Variants in ADAMTS19 observed in about 807,000 individuals in gnomAD.
ADAMTS19 encodes A disintegrin and metalloproteinase with thrombospondin motifs 19.
In ADAMTS19, 93 loss-of-function variants were observed where a neutral mutation model predicts 153.3. That is an observed-to-expected ratio of 0.61 (90% CI 0.51 to 0.72). ADAMTS19 has a LOEUF of 0.72. Among genes scored for constraint, ADAMTS19 ranks in the 30% least tolerant of loss-of-function variants. The pLI is 0.00. For synonymous variants in ADAMTS19, 600 were observed against 556.6 expected (o/e 1.08, Z -1.10); for missense variants, 1,482 against 1,552.1 (o/e 0.95, Z 0.76).
chr5:129,648,224 A>G (rs1753154921), intron 12 of ADAMTS19, among the ~76,000 whole-genome samples: 1 of 152,148 alleles, frequency 6.6e-6, no homozygotes, highest in South Asian at 2.1e-4. Context: ...GATGATAAGA[A>G]AGAGAATGAG....
Position 129,461,639 on chromosome 5 carries a change from C to CG in ADAMTS19, c.634dup (p.Ala212GlyfsTer46). ...CGGCCAAATCCCGGCCCCGGCCCCA[C>CG]GGGGGCAGCATCCGCCCCGCAACCT... On this transcript the variant is annotated frameshift_variant, in exon 2 of 23. Transcript: ENST00000274487. LOFTEE classifies it high-confidence loss of function. This position sits in a 1 kb window ranked among gnomAD's most constrained non-coding sequence, Gnocchi z 4.6. The CG allele has an allele frequency of 6.5e-7, 1 of 1,529,102 alleles. No individual in the cohort carries two copies. The highest frequency in any genetic ancestry group is 1.2e-5 in the South Asian group (1 of 83,750). The allele number at this position is 1,529,102 out of a possible 1,614,324, so 94.7% of individuals were successfully genotyped here.
intron 6 of ADAMTS19, among the ~76,000 whole-genome samples, chr5:129,539,057 C>G (rs538473137): frequency 3.9e-5 from 6 of 152,044 alleles, no homozygotes; most frequent in Non-Finnish European, 7.4e-5. Flanking sequence ...TGCTTTTTCA[C>G]TTTACGATTA....
chr5:129,727,914 A>T (rs2127213262), intron 21 of ADAMTS19, among the ~76,000 whole-genome samples: 1 of 152,258 alleles, frequency 6.6e-6, no homozygotes, highest in South Asian at 2.1e-4. Flanking sequence ...ACTGGGCTGC[A>T]TTCCCAGGAG....
At chr5:129,706,884 A>AT (rs974478302) in intron 21 of ADAMTS19, among the ~76,000 whole-genome samples, 40 of 152,218 alleles carry the variant, frequency 2.6e-4, no homozygotes, top group African/African-American at 8.4e-4. Context: ...ACTAAAAAAA[A>AT]TTTTTTTCAG....
At chr5:129,568,632 T>A (rs1412870001) in intron 7 of ADAMTS19, among the ~76,000 whole-genome samples, 1 of 151,886 alleles carries the variant, frequency 6.6e-6, no homozygotes, top group African/African-American at 2.4e-5. Context: ...CCAGCCTGGG[T>A]AACATAATGA....
intron 17 of ADAMTS19, among the ~76,000 whole-genome samples, chr5:129,683,695 A>G (rs1754932303): frequency 6.6e-6 from 1 of 151,716 alleles, no homozygotes; most frequent in African/African-American, 2.4e-5. Context: ...TACATTTGGC[A>G]TTAGATTGTG....
intron 21 of ADAMTS19, among the ~76,000 whole-genome samples, chr5:129,732,728 A>G (rs970860467): frequency 6.6e-6 from 1 of 151,994 alleles, no homozygotes; most frequent in Admixed American, 6.6e-5. Context: ...CATTAAAATG[A>G]CCATACTACC....
intron 20 of ADAMTS19, among the ~76,000 whole-genome samples, chr5:129,703,956 C>A (rs1214426923): frequency 6.6e-6 from 1 of 152,064 alleles, no homozygotes; most frequent in African/African-American, 2.4e-5. Context: ...GATCATAGTG[C>A]ATTATTTATC....
intron 21 of ADAMTS19, among the ~76,000 whole-genome samples, chr5:129,724,279 G>A (rs990129268): frequency 6.6e-6 from 1 of 152,164 alleles, no homozygotes; most frequent in Non-Finnish European, 1.5e-5. Context: ...TTCTTTCAGG[G>A]CCTGCTATCT....
intron 8 of ADAMTS19, among the ~76,000 whole-genome samples, chr5:129,609,826 T>C (rs1280550458): frequency 6.6e-6 from 1 of 152,156 alleles, no homozygotes; most frequent in Non-Finnish European, 1.5e-5. Context: ...CTGATGTTTC[T>C]TGGCAAATGC....
At chr5:129,549,366 T>C (rs1369177561) in intron 6 of ADAMTS19, among the ~76,000 whole-genome samples, 5 of 151,684 alleles carry the variant, frequency 3.3e-5, no homozygotes, top group Admixed American at 2.6e-4. Flanking sequence ...AGAAAATGGA[T>C]GTTGAAAACA....
intron 7 of ADAMTS19, among the ~76,000 whole-genome samples, chr5:129,555,743 C>T (rs989244842): frequency 6.6e-6 from 1 of 152,196 alleles, no homozygotes; most frequent in Non-Finnish European, 1.5e-5. Context: ...TAGTGCTAGA[C>T]TCTACCTCAG....
intron 2 of ADAMTS19, among the ~76,000 whole-genome samples, chr5:129,490,559 T>A (rs1314243400): frequency 6.6e-6 from 1 of 152,144 alleles, no homozygotes; most frequent in Non-Finnish European, 1.5e-5. Flanking sequence ...AGGAACCAAA[T>A]AAAATCAAAG....
At chr5:129,671,609 A>G (rs1458708905) in intron 16 of ADAMTS19, among the ~76,000 whole-genome samples, 1 of 152,224 alleles carries the variant, frequency 6.6e-6, no homozygotes, top group Non-Finnish European at 1.5e-5. Context: ...CAAACTATAT[A>G]TTATTTTATA....
In ADAMTS19 at chr5:129,551,850, A is replaced by AT; in HGVS notation, c.1329-9dup. 2 of 1,541,454 alleles carry AT rather than the reference A, an allele frequency of 1.3e-6. No individual in the cohort carries two copies. The highest frequency in any genetic ancestry group is 1.8e-6 in the Non-Finnish European group (2 of 1,136,244). On this transcript the variant is annotated splice_polypyrimidine_tract_variant and intron_variant, in intron 6 of 22. Coordinates refer to ENST00000274487, the MANE Select transcript of ADAMTS19 (RefSeq NM_133638.6). ...TAATTTATCTTTATTTCAGTTTTCT[A>AT]TTTTTCTTTCTAGGAAAGATTTCTG...
At chr5:129,578,041 T>TACATAC (rs1554095132) in intron 7 of ADAMTS19, among the ~76,000 whole-genome samples, 4 of 98,614 alleles carry the variant, frequency 4.1e-5, no homozygotes, top group East Asian at 3.1e-4. Context: ...CAAACTTACA[T>TACATAC]ACACACACAC....
At chr5:129,658,309 A>AAAAAAAGAAAG (rs1554103294) in intron 14 of ADAMTS19, among the ~76,000 whole-genome samples, 3 of 113,624 alleles carry the variant, frequency 2.6e-5, no homozygotes, top group African/African-American at 8.0e-5. Context: ...GAAAGAAAGA[A>AAAAAAAGAAAG]AAAGAAAGAA....
Position 129,475,093 on chromosome 5 carries a change from A to G in ADAMTS19, c.747+13336A>G, listed in dbSNP as rs887666503. On this transcript the variant is annotated intron_variant, in intron 2 of 22. Transcript: ENST00000274487. ...GCCAATTTTTGAGACTTTTGATAAA[A>G]ATCTAGTTTATCTTTTTTTTTTTTA... Among the ~76,000 whole-genome samples, 12 of 149,594 alleles carry G rather than the reference A, an allele frequency of 8.0e-5. No individual in the cohort carries two copies. In the South Asian group the frequency reaches 2.5e-3, roughly 31 times the overall value.
intron 8 of ADAMTS19, among the ~76,000 whole-genome samples, chr5:129,610,368 C>A (rs1751143927): frequency 6.6e-6 from 1 of 151,954 alleles, no homozygotes; most frequent in Non-Finnish European, 1.5e-5. Context: ...TATACATGTG[C>A]CATGCTGGTG....
Sources: allele counts gnomAD v4.1 joint callset (sites outside exome capture counted in the v4.1 genomes callset), GRCh38; gene constraint gnomAD v4.1.1; non-coding constraint Gnocchi (gnomAD v3.1); transcripts MANE v1.5; gene names NCBI Gene and HGNC (gene_info 2026-07-23, HGNC 2026-07-21).